Variants in CDKL5 observed in about 807,000 individuals in gnomAD.
CDKL5 encodes the protein cyclin-dependent kinase-like 5.
A neutral mutation model predicts 61.7 loss-of-function variants in CDKL5; 8 were observed. That is an observed-to-expected ratio of 0.13 (90% CI 0.08 to 0.23). The LOEUF is 0.23. Among genes scored for constraint, CDKL5 ranks in the 10% least tolerant of loss-of-function variants. The pLI is 1.00. For missense variants in CDKL5, 440 were observed against 734.5 expected, an observed-to-expected ratio of 0.60 and a Z score of 4.63; for synonymous variants, 275 against 272.3, an observed-to-expected ratio of 1.01 and a Z score of -0.10.
At chrX:18,567,441 C>T (rs982487610) in intron 4 of CDKL5, among the ~76,000 whole-genome samples, 8 of 111,726 alleles carry the variant, frequency 7.2e-5, no homozygotes, top group South Asian at 3.7e-4. Context: ...GTGAAGATAA[C>T]GAAATAATCC....
intron 11 of CDKL5, 99 bp downstream of exon 11, chrX:18,598,712 A>C: frequency 1.2e-6 from 1 of 813,847 alleles, no homozygotes; most frequent in Non-Finnish European, 1.9e-6. Context: ...AAAAGAAGGA[A>C]AGCCCTCTTT....
chrX:18,603,905 C>A lies in CDKL5; in HGVS notation c.981C>A (p.Asn327Lys). 1 of 1,211,051 alleles carries A rather than the reference C, an allele frequency of 8.3e-7. No homozygotes were observed. The highest frequency in any genetic ancestry group is 3.0e-5 in the East Asian group (1 of 33,832). Residue 327 changes from asparagine to lysine, a missense_variant, in exon 12 of 18, where the codon AAC (asparagine) becomes AAA (lysine). This residue lies in a region of CDKL5 where 363 missense variants were observed against 516.3 expected (regional missense o/e 0.70). Coordinates refer to ENST00000623535, the MANE Select transcript of CDKL5 (RefSeq NM_001323289.2). ...HVESSTLSNRNQAGKSTALQS... is the reference protein window; with the variant it reads ...HVESSTLSNRKQAGKSTALQS... ...ACTTCTTTTGTTTTTAACATAGAAA[C>A]CAAGCCGGCAAAAGTACTGCTTTGC...
At chrX:18,564,307 AAG>A (rs1924892856) in intron 3 of CDKL5, among the ~76,000 whole-genome samples, 168 bp from the exon 4 acceptor site, 1 of 110,548 alleles carries the variant, frequency 9.0e-6, no homozygotes, top group South Asian at 3.9e-4. Context: ...GGTGATAAGA[AAG>A]AGATTTTGGA....
chrX:18,562,571 C>G (rs1298590362), intron 3 of CDKL5, among the ~76,000 whole-genome samples: 2 of 111,599 alleles, frequency 1.8e-5, no homozygotes, highest in Non-Finnish European at 3.8e-5. Flanking sequence ...TTTTTGTACC[C>G]TTTGTATTCT....
intron 1 of CDKL5, among the ~76,000 whole-genome samples, chrX:18,467,367 T>TA (rs1569188994): frequency 2.7e-5 from 3 of 111,511 alleles, no homozygotes; most frequent in Admixed American, 1.9e-4. Context: ...CAAAATGTTA[T>TA]ATAAACTGCA....
chrX:18,540,109 AT>A (rs1480921481), intron 3 of CDKL5, among the ~76,000 whole-genome samples: 1 of 111,371 alleles, frequency 9.0e-6, no homozygotes, highest in Non-Finnish European at 1.9e-5. Context: ...CTGTTCTAAT[AT>A]TTTTTTCTTA....
At chrX:18,602,475 C>G (rs138976553) in intron 11 of CDKL5, among the ~76,000 whole-genome samples, 2 of 36,752 alleles carry the variant, frequency 5.4e-5, no homozygotes, top group Non-Finnish European at 9.3e-5. Flanking sequence ...TAATTCCTTT[C>G]TAGGTCTGGG....
intron 9 of CDKL5, among the ~76,000 whole-genome samples, chrX:18,591,250 C>T (rs907089026): frequency 5.4e-5 from 6 of 111,776 alleles, no homozygotes; most frequent in African/African-American, 2.0e-4. Context: ...CTATCTAGTC[C>T]TCTCACACTG....
At chrX:18,446,189 CAA>C (rs529883672) in intron 1 of CDKL5, among the ~76,000 whole-genome samples, 9 of 48,135 alleles carry the variant, frequency 1.9e-4, no homozygotes, top group Non-Finnish European at 3.0e-4. Flanking sequence ...ACTAAAAATA[CAA>C]AAAAAAAAAA....
chrX:18,651,254 TGTGTGTGTGTGAGAGAGAGA>T (rs1928024633), intron 21 of CDKL5, among the ~76,000 whole-genome samples: 1 of 99,071 alleles, frequency 1.0e-5, no homozygotes, highest in Admixed American at 1.1e-4. Context: ...TGTGTGTGTG[TGTGTGTGTGTGAGAGAGAGA>T]GAGAGAGAGA....
chrX:18,649,628 T>C, intron 20 of CDKL5, among the ~76,000 whole-genome samples: 1 of 111,837 alleles, frequency 8.9e-6, no homozygotes, highest in African/African-American at 3.2e-5. Flanking sequence ...TTGTAGTTTA[T>C]TGAGTACTCA....
At chrX:18,427,329 G>T (rs1340038799) in intron 1 of CDKL5, among the ~76,000 whole-genome samples, 1 of 104,397 alleles carries the variant, frequency 9.6e-6, no homozygotes, top group Non-Finnish European at 2.0e-5. Flanking sequence ...GCGGGGGTTG[G>T]GGGGGAGGTG....
chrX:18,559,458 C>T (rs1244304818), intron 3 of CDKL5, among the ~76,000 whole-genome samples: 1 of 110,345 alleles, frequency 9.1e-6, no homozygotes, highest in Non-Finnish European at 1.9e-5. Context: ...CCGCCCACCT[C>T]GGCCTCTCAG....
intron 3 of CDKL5, among the ~76,000 whole-genome samples, chrX:18,552,854 G>T (rs994320082): frequency 1.8e-5 from 2 of 111,413 alleles, no homozygotes; most frequent in African/African-American, 6.5e-5. Flanking sequence ...GGAGACCTAG[G>T]GAGAGGAGGT....
At chrX:18,518,260 T>A (rs923898380) in intron 3 of CDKL5, among the ~76,000 whole-genome samples, 4 of 108,518 alleles carry the variant, frequency 3.7e-5, no homozygotes, top group Non-Finnish European at 3.8e-5. Flanking sequence ...ATCTGTTGAA[T>A]GCCTATCAAA....
chrX:18,479,741 A>G (rs1250108207), intron 1 of CDKL5, among the ~76,000 whole-genome samples: 1 of 111,819 alleles, frequency 8.9e-6, no homozygotes, highest in Non-Finnish European at 1.9e-5. Context: ...ATGATGAGAT[A>G]GATAGATATG....
chrX:18,594,695 C>A (rs915335899), intron 9 of CDKL5, among the ~76,000 whole-genome samples: 11 of 112,666 alleles, frequency 9.8e-5, no homozygotes, highest in African/African-American at 3.5e-4. Context: ...TATAAGCAGA[C>A]AAATTATGTA....
intron 1 of CDKL5, among the ~76,000 whole-genome samples, chrX:18,498,425 T>C (rs1218292679): frequency 8.9e-6 from 1 of 112,128 alleles, no homozygotes; most frequent in East Asian, 2.8e-4. Flanking sequence ...GTGTTTTCTG[T>C]TTCATGAATT....
chrX:18,525,029 C>T (rs1216678628), intron 3 of CDKL5, among the ~76,000 whole-genome samples: 1 of 111,422 alleles, frequency 9.0e-6, no homozygotes, highest in East Asian at 2.8e-4. Flanking sequence ...CTCAAGTAAT[C>T]CTCCCATCTC....
Sources: gnomAD v4.1 joint callset for allele counts (sites outside exome capture counted in the v4.1 genomes callset) on GRCh38, gnomAD v4.1.1 for gene constraint, gnomAD v4.1.1 regional missense constraint, MANE v1.5 for transcripts, NCBI Gene and HGNC (gene_info 2026-07-23, HGNC 2026-07-21) for gene names.